WFDC13: variants seen among roughly 807,000 people sequenced by gnomAD.
WFDC13 encodes WAP four-disulfide core domain 13.
A neutral mutation model predicts 10.9 loss-of-function variants in WFDC13; 6 were observed. That is an observed-to-expected ratio of 0.55 (90% confidence interval 0.30 to 1.09). The LOEUF (loss-of-function observed/expected upper bound fraction) is 1.09. Ranked by LOEUF, WFDC13 falls within the 50% of genes least tolerant of loss-of-function variation. The pLI, the probability that WFDC13 is intolerant of heterozygous loss-of-function variation, is 0.06. For missense variants in WFDC13, 104 were observed against 109.6 expected (o/e 0.95, Z 0.23); for synonymous variants, 38 against 39.5 (o/e 0.96, Z 0.14).
chr20:45,703,747 A>T lies in WFDC13; in HGVS notation c.89-697A>T, dbSNP rs115816498. On this transcript the variant is annotated intron_variant, in intron 1 of 3. Coordinates refer to ENST00000305479, the MANE Select transcript of WFDC13 (RefSeq NM_172005.2). Reference sequence around the variant, plus strand: ...GAGGAAATAGGAAGTCAACATAATGATGCTTATTCTTCTCTAACAGTAGAA... The same window carrying T: ...GAGGAAATAGGAAGTCAACATAATGTTGCTTATTCTTCTCTAACAGTAGAA... Among the ~76,000 whole-genome samples the T allele has an allele frequency of 4.3e-3, 651 of 152,276 alleles. 1 individual carries two copies. The highest frequency in any genetic ancestry group is 0.015 in the African/African-American group (620 of 41,558).
At chr20:45,703,601 G>A (rs1018554569) in intron 1 of WFDC13, among the ~76,000 whole-genome samples, 1 of 152,156 alleles carries the variant, frequency 6.6e-6, no homozygotes, top group Non-Finnish European at 1.5e-5. Flanking sequence ...TGGGGAAAGG[G>A]ATTAATGGGG....
intron 2 of WFDC13, chr20:45,705,032 C>T (rs1555807359): frequency 6.2e-7 from 1 of 1,601,866 alleles, no homozygotes; most frequent in Non-Finnish European, 8.6e-7. Context: ...AGATCCAGCC[C>T]AAAGGAAGTT....
At chr20:45,702,289 C>T (rs1984196802) in intron 1 of WFDC13, 78 bp downstream of exon 1, 23 of 1,402,936 alleles carry the variant, frequency 1.6e-5, no homozygotes, top group Non-Finnish European at 2.3e-5. Flanking sequence ...CAGTCTGTCA[C>T]ACCTCTTGGA....
rs1984186770 is a variant in WFDC13, at chr20:45,702,128, A to C, written c.5A>C (p.Lys2Thr). The C allele has an allele frequency of 5.6e-6, 9 of 1,612,880 alleles. No homozygotes were observed. The highest frequency in any genetic ancestry group is 1.3e-5 in the African/African-American group (1 of 74,896). MKPVLPLQFLVV... is the reference protein window; with the variant it reads MTPVLPLQFLVV... The stretch of plus-strand genomic sequence containing the variant: ...CTCACCCATCCCACTGACACCATGA[A>C]GCCTGTGCTGCCTCTCCAGTTCCTG... Residue 2 changes from lysine to threonine, a missense_variant, in exon 1 of 4, where the codon AAG becomes ACG. Coordinates refer to ENST00000305479, the MANE Select transcript of WFDC13 (RefSeq NM_172005.2).
rs756040197 is a variant in WFDC13, at chr20:45,704,605, T to C, written c.239+11T>C. The stretch of plus-strand genomic sequence containing the variant: ...TCAAAAGCGCAACAGGTAAGAGATA[T>C]CTCATATCCAGGTCTGATCCTAGAG... On this transcript the variant is annotated intron_variant, in intron 2 of 3. Coordinates refer to ENST00000305479, the MANE Select transcript of WFDC13 (RefSeq NM_172005.2). The C allele has an allele frequency of 6.2e-7, 1 of 1,613,484 alleles. No homozygotes were observed. The highest frequency in any genetic ancestry group is 8.5e-7 in the Non-Finnish European group (1 of 1,179,750).
At position 45,708,723 on chromosome 20, in the gene WFDC13, T is replaced by G. The variant is rs566098028; in HGVS notation, c.*888T>G. ...ATAATAAAGTGTTATTTTCCTGGGATTCATGATATTTGATATATTCGTAAG... is the reference window on the plus strand; with the variant it reads ...ATAATAAAGTGTTATTTTCCTGGGAGTCATGATATTTGATATATTCGTAAG... On this transcript the variant is annotated 3_prime_UTR_variant, in exon 4 of 4. Coordinates refer to ENST00000305479, the MANE Select transcript of WFDC13 (RefSeq NM_172005.2). 2 of 152,372 alleles carry G rather than the reference T, an allele frequency of 1.3e-5. No individual in the cohort carries two copies. Among genetic ancestry groups the G allele is most frequent in the African/African-American group, 4.8e-5 (2 of 41,592 alleles). The allele number at this position is 152,372 out of a possible 1,614,324, so 9.4% of individuals were successfully genotyped here. A position where few individuals can be genotyped will look rare whatever the true frequency, so the allele number is the denominator to read the frequency against.
At chr20:45,703,718 A>G (rs752305375) in intron 1 of WFDC13, among the ~76,000 whole-genome samples, 7 of 152,154 alleles carry the variant, frequency 4.6e-5, no homozygotes, top group Admixed American at 2.6e-4. Flanking sequence ...ACTTGGGGGT[A>G]GGGGAGGAAA....
At position 45,708,255 on chromosome 20, in the gene WFDC13, G is replaced by A. The variant is rs1402983889; in HGVS notation, c.*420G>A. The A allele has an allele frequency of 6.6e-6, 1 of 152,230 alleles. No homozygotes were observed. The highest frequency in any genetic ancestry group is 2.4e-5 in the African/African-American group (1 of 41,434). 9.4% of individuals were successfully genotyped at this position (152,230 alleles called of 1,614,324 possible). A position where few individuals can be genotyped will look rare whatever the true frequency, so the allele number is the denominator to read the frequency against. ...TAACCTCAAGGAGAAATATCAACCAGACACTGCATGGCAACCTCCTTGGGG... is the reference window on the plus strand; with the variant it reads ...TAACCTCAAGGAGAAATATCAACCAAACACTGCATGGCAACCTCCTTGGGG... On this transcript the variant is annotated 3_prime_UTR_variant, in exon 4 of 4. Transcript: ENST00000305479.
chr20:45,704,324 T>C (rs1002843903), intron 1 of WFDC13, 120 bp from the exon 2 acceptor site: 39 of 1,390,580 alleles, frequency 2.8e-5, no homozygotes, highest in Non-Finnish European at 3.7e-5. Context: ...GCCACCACCC[T>C]GGAACCATGC....
chr20:45,705,155 C>G lies in WFDC13; in HGVS notation c.239+561C>G, dbSNP rs563177388. The G allele has an allele frequency of 1.4e-5, 9 of 641,864 alleles. No homozygotes were observed. The African/African-American group carries it at 1.6e-4, about 12-fold the overall frequency. 39.8% of individuals were successfully genotyped at this position (641,864 alleles called of 1,614,324 possible). A position where few individuals can be genotyped will look rare whatever the true frequency, so the allele number is the denominator to read the frequency against. On this transcript the variant is annotated intron_variant, in intron 2 of 3. Coordinates refer to ENST00000305479, the MANE Select transcript of WFDC13 (RefSeq NM_172005.2). The stretch of plus-strand genomic sequence containing the variant: ...TGAGACATATGGTTTCTAATCCCAT[C>G]TTGCAACTATGTCTTTCTATGACCT...
chr20:45,703,239 A>T (rs2145644507), intron 1 of WFDC13, among the ~76,000 whole-genome samples: 1 of 152,256 alleles, frequency 6.6e-6, no homozygotes, highest in South Asian at 2.1e-4. Flanking sequence ...CAAGCTCTTC[A>T]AAGTGTGGAT....
chr20:45,702,622 T>C lies in WFDC13; in HGVS notation c.88+411T>C, dbSNP rs1226834140. Reference sequence around the variant, plus strand: ...AGAGAGACAACGAAGTTGGTAGAACTCAAGCTAGAATCTACATAACCTTGG... The same window carrying C: ...AGAGAGACAACGAAGTTGGTAGAACCCAAGCTAGAATCTACATAACCTTGG... On this transcript the variant is annotated intron_variant, in intron 1 of 3. Coordinates refer to ENST00000305479, the MANE Select transcript of WFDC13 (RefSeq NM_172005.2). 3.9e-5 allele frequency among the ~76,000 whole-genome samples: 6 copies of C among 152,324 alleles called. No homozygotes were observed. The East Asian group carries it at 1.2e-3, about 29-fold the overall frequency.
At chr20:45,705,232 AG>A in intron 2 of WFDC13, 1 of 526,324 alleles carries the variant, frequency 1.9e-6, no homozygotes, top group South Asian at 2.6e-5. Context: ...GAGTAAAATA[AG>A]TACTCTTGTT....
chr20:45,702,833 C>T (rs1984221677), intron 1 of WFDC13, among the ~76,000 whole-genome samples: 1 of 152,210 alleles, frequency 6.6e-6, no homozygotes, highest in South Asian at 2.1e-4. Flanking sequence ...TTGACCTTAA[C>T]CAATACCAAG....
chr20:45,706,549 G>A lies in WFDC13; in HGVS notation c.*22+622G>A, dbSNP rs141982201. 1.8e-3 allele frequency among the ~76,000 whole-genome samples: 273 copies of A among 152,148 alleles called. 2 individuals are homozygous for A. Among genetic ancestry groups the A allele is most frequent in the African/African-American group, 5.8e-3 (241 of 41,510 alleles). ...AGCACTTTCGGAGGCCAAGGTGGAC[G>A]GATCACGAGGTCAGGAGTTCAAGAC... is the stretch of plus-strand genomic sequence containing the variant. On this transcript the variant is annotated intron_variant, in intron 3 of 3. Coordinates refer to ENST00000305479, the MANE Select transcript of WFDC13 (RefSeq NM_172005.2).
At chr20:45,704,372 T>C in intron 1 of WFDC13, 72 bp from the exon 2 acceptor site, 1 of 1,537,850 alleles carries the variant, frequency 6.5e-7, no homozygotes, top group East Asian at 2.3e-5. Context: ...GGCAGTTCCC[T>C]GGGCTTTCTG....
At position 45,702,160 on chromosome 20, in the gene WFDC13, T is replaced by G. The variant is rs141297049; in HGVS notation, c.37T>G (p.Phe13Val). 1,464 of 1,613,416 alleles carry G rather than the reference T, an allele frequency of 9.1e-4. No homozygotes were observed. The highest frequency in any genetic ancestry group is 1.0e-3 in the Non-Finnish European group (1,224 of 1,179,852). The change falls in exon 1 of 4, where the codon TTC becomes GTC. Residue 13 changes from phenylalanine (F) to valine (V), a missense_variant. Transcript: ENST00000305479. ...GCTGCCTCTCCAGTTCCTGGTGGTGTTCTGCCTAGCACTGCAGCTGGTGCC... is the reference window on the plus strand; with the variant it reads ...GCTGCCTCTCCAGTTCCTGGTGGTGGTCTGCCTAGCACTGCAGCTGGTGCC... ...PVLPLQFLVV[F>V]CLALQLVPGS...
intron 2 of WFDC13, chr20:45,704,936 T>C: frequency 6.2e-7 from 1 of 1,614,032 alleles, no homozygotes; most frequent in African/African-American, 1.3e-5. Flanking sequence ...GTAACCAAAA[T>C]CCCAAAGCAA....
intron 3 of WFDC13, among the ~76,000 whole-genome samples, chr20:45,707,428 G>A (rs1217994430): frequency 2.6e-5 from 4 of 152,100 alleles, no homozygotes; most frequent in African/African-American, 9.7e-5. Context: ...TGTAGGCACT[G>A]GTCACGAGAG....
Sources: gnomAD v4.1 joint callset for allele counts (sites outside exome capture counted in the v4.1 genomes callset) on GRCh38, gnomAD v4.1.1 for gene constraint, MANE v1.5 for transcripts, NCBI Gene and HGNC (gene_info 2026-07-23, HGNC 2026-07-21) for gene names.